The following FHOD3 variants were observed in gnomAD, a reference collection of about 807,000 sequenced individuals.
FHOD3 encodes the protein FH1/FH2 domain-containing protein 3.
FHOD3 carries 90 observed loss-of-function variants against 173.0 expected under a neutral mutation model. The observed-to-expected ratio is 0.52, with a 90% CI of 0.44 to 0.62. The LOEUF is 0.62. Among genes scored for constraint, FHOD3 ranks in the 20% least tolerant of loss-of-function variants. FHOD3 has a pLI of 0.00. For missense variants in FHOD3, 1,945 were observed against 2,034.7 expected, an observed-to-expected ratio of 0.96 and a Z score of 0.85; for synonymous variants, 828 against 823.0, an observed-to-expected ratio of 1.01 and a Z score of -0.10.
chr18:36,358,788 G>A, intron 2 of FHOD3, among the ~76,000 whole-genome samples: 1 of 152,026 alleles, frequency 6.6e-6, no homozygotes, highest in Non-Finnish European at 1.5e-5. Context: ...TGATTCTCCT[G>A]CTCTGGCTAA....
chr18:36,696,855 A>C (rs536945482), intron 17 of FHOD3, among the ~76,000 whole-genome samples: 1 of 152,322 alleles, frequency 6.6e-6, no homozygotes, highest in East Asian at 1.9e-4. Flanking sequence ...AGCCAGCCCA[A>C]AGTTTGGGCA....
intron 21 of FHOD3, among the ~76,000 whole-genome samples, chr18:36,741,046 CAG>C (rs142351269): frequency 0.014 from 2,133 of 152,260 alleles, 49 homozygotes; most frequent in African/African-American, 0.049. Flanking sequence ...GTGCCAGCCT[CAG>C]ACACTAGATT....
chr18:36,314,668 C>T (rs1376699556), intron 1 of FHOD3, among the ~76,000 whole-genome samples: 1 of 152,164 alleles, frequency 6.6e-6, no homozygotes, highest in Non-Finnish European at 1.5e-5. Flanking sequence ...TTGCCAAGGC[C>T]TCCAGATGGC....
intron 1 of FHOD3, among the ~76,000 whole-genome samples, chr18:36,347,086 G>A (rs770569751): frequency 1.3e-5 from 2 of 152,224 alleles, no homozygotes; most frequent in East Asian, 3.8e-4. Context: ...GTAGTGTGTG[G>A]CATGGAGAAG....
intron 9 of FHOD3, among the ~76,000 whole-genome samples, chr18:36,619,620 G>A (rs1017655884): frequency 6.6e-6 from 1 of 152,100 alleles, no homozygotes; most frequent in Non-Finnish European, 1.5e-5. Flanking sequence ...CTATTACTTT[G>A]TTCATTCCAC....
chr18:36,430,065 G>A lies in FHOD3; in HGVS notation c.337+57321G>A, dbSNP rs145828496. On this transcript the variant is annotated intron_variant, in intron 3 of 28. Transcript: ENST00000590592. ...TGAAGCTGAAGATTCAGAATGATAC[G>A]TTTTCATCTCTTCTTGCAGTTGAAG... Among the ~76,000 whole-genome samples the A allele has an allele frequency of 6.6e-5, 10 of 152,298 alleles. No homozygotes were observed. In the East Asian group the frequency reaches 1.2e-3, roughly 18 times the overall value.
intron 3 of FHOD3, among the ~76,000 whole-genome samples, chr18:36,437,521 G>A (rs2050872841): frequency 6.6e-6 from 1 of 152,030 alleles, no homozygotes; most frequent in Non-Finnish European, 1.5e-5. Flanking sequence ...TATTTGACAT[G>A]TACTTATACA....
At chr18:36,428,992 T>C (rs757945912) in intron 3 of FHOD3, among the ~76,000 whole-genome samples, 1 of 152,188 alleles carries the variant, frequency 6.6e-6, no homozygotes, top group South Asian at 2.1e-4. Context: ...CAGTCGGGAA[T>C]GTTAATTAAG....
At chr18:36,704,669 C>T (rs1206053326) in intron 17 of FHOD3, among the ~76,000 whole-genome samples, 1 of 152,166 alleles carries the variant, frequency 6.6e-6, no homozygotes, top group Non-Finnish European at 1.5e-5. Context: ...CACCCTGGCA[C>T]GGGCCTTCAC....
intron 3 of FHOD3, among the ~76,000 whole-genome samples, chr18:36,381,929 A>G (rs1232164554): frequency 6.6e-6 from 1 of 152,170 alleles, no homozygotes; most frequent in East Asian, 1.9e-4. Flanking sequence ...GGCAGTGAGT[A>G]GACTGTCATT....
At chr18:36,698,951 T>C (rs1006801758) in intron 17 of FHOD3, among the ~76,000 whole-genome samples, 16 of 152,104 alleles carry the variant, frequency 1.1e-4, no homozygotes, top group Non-Finnish European at 2.1e-4. Context: ...TAATGGGCGG[T>C]AAACATGCCT....
intron 3 of FHOD3, among the ~76,000 whole-genome samples, chr18:36,447,327 T>C (rs1179856450): frequency 6.6e-6 from 1 of 152,188 alleles, no homozygotes; most frequent in East Asian, 1.9e-4. Flanking sequence ...GAGTATGTGT[T>C]TGAGGGACCC....
chr18:36,572,730 T>TG (rs1555766487), intron 5 of FHOD3, among the ~76,000 whole-genome samples: 35 of 151,354 alleles, frequency 2.3e-4, no homozygotes, highest in African/African-American at 8.3e-4. Context: ...CCTGAGCTCT[T>TG]GGGGGGAGGC....
intron 3 of FHOD3, among the ~76,000 whole-genome samples, chr18:36,472,359 C>A (rs2053331983): frequency 6.6e-6 from 1 of 152,118 alleles, no homozygotes; most frequent in South Asian, 2.1e-4. Flanking sequence ...TGTCTAAGAT[C>A]AAATATTTAA....
At chr18:36,321,673 G>A (rs997111618) in intron 1 of FHOD3, among the ~76,000 whole-genome samples, 2 of 152,178 alleles carry the variant, frequency 1.3e-5, no homozygotes, top group African/African-American at 4.8e-5. Flanking sequence ...ACTCCTTTGG[G>A]GGACTTGCAG....
intron 1 of FHOD3, among the ~76,000 whole-genome samples, chr18:36,341,035 G>C (rs2045589828): frequency 6.6e-6 from 1 of 152,164 alleles, no homozygotes; most frequent in Non-Finnish European, 1.5e-5. Context: ...TTGCGCAGCA[G>C]CTAAGAACAA....
intron 3 of FHOD3, among the ~76,000 whole-genome samples, chr18:36,427,859 T>C (rs906726254): frequency 7.2e-5 from 11 of 152,246 alleles, no homozygotes; most frequent in Non-Finnish European, 1.6e-4. Context: ...GCAGGCACTG[T>C]CACTGGATGT....
At chr18:36,432,100 G>T (rs781254121) in intron 3 of FHOD3, among the ~76,000 whole-genome samples, 8 of 152,210 alleles carry the variant, frequency 5.3e-5, no homozygotes, top group Non-Finnish European at 1.2e-4. Context: ...TCAGGGAACG[G>T]AGAGCAGTTA....
chr18:36,568,399 G>C (rs1408206326), intron 5 of FHOD3, among the ~76,000 whole-genome samples: 1 of 112,882 alleles, frequency 8.9e-6, no homozygotes, highest in Non-Finnish European at 1.7e-5. Context: ...GAACCTAAAA[G>C]TATCAGGAAT....
Sources: gnomAD v4.1 joint callset for allele counts (sites outside exome capture counted in the v4.1 genomes callset) on GRCh38, gnomAD v4.1.1 for gene constraint, MANE v1.5 for transcripts, NCBI Gene and HGNC (gene_info 2026-07-23, HGNC 2026-07-21) for gene names.